Variants in PTPRN2 observed in about 807,000 individuals in gnomAD.
PTPRN2 encodes protein tyrosine phosphatase receptor type N2.
In PTPRN2, 74 loss-of-function variants were observed where a neutral mutation model predicts 118.8. The observed-to-expected ratio is 0.62, with a 90% CI of 0.52 to 0.76. PTPRN2 has a LOEUF of 0.76. Ranked by LOEUF, PTPRN2 falls within the 30% of genes least tolerant of loss-of-function variation. The pLI is 0.00. For synonymous variants in PTPRN2, 641 were observed against 608.0 expected (o/e 1.05, Z -0.80); for missense variants, 1,481 against 1,394.4 (o/e 1.06, Z -0.99).
Position 158,071,387 on chromosome 7 carries a change from GGTGGAGGTGCTC to G in PTPRN2, c.1723+9899_1723+9910del, listed in dbSNP as rs1321087313. On this transcript the variant is annotated intron_variant, in intron 11 of 22. Coordinates refer to ENST00000389418, the MANE Select transcript of PTPRN2 (RefSeq NM_002847.5). ...TGCTCATGGTGGTGGAGGTGCTCGT[GGTGGAGGTGCTC>G]GTGGTGGAGTTGCTCCTGGTGGTGG... Among the ~76,000 whole-genome samples, 115 of 106,512 alleles carry G rather than the reference GGTGGAGGTGCTC, an allele frequency of 1.1e-3. 4 individuals are homozygous for G. Among genetic ancestry groups the G allele is most frequent in the Non-Finnish European group, 1.5e-3 (75 of 48,704 alleles). The allele number at this position is 106,512 out of a possible 152,430, so 69.9% of individuals were successfully genotyped here. A position where few individuals can be genotyped will look rare whatever the true frequency, so the allele number is the denominator to read the frequency against.
intron 3 of PTPRN2, among the ~76,000 whole-genome samples, chr7:158,297,027 A>G (rs1464888477): frequency 6.6e-6 from 1 of 152,204 alleles, no homozygotes; most frequent in African/African-American, 2.4e-5. Context: ...TGGAATGTCC[A>G]TGGATAGCAT....
chr7:157,814,529 C>T (rs151133375), intron 12 of PTPRN2, among the ~76,000 whole-genome samples: 1,119 of 94,180 alleles, frequency 0.012, 10 homozygotes, highest in Middle Eastern at 0.036. Context: ...CGGGGACAGG[C>T]GGGGGCAGGA....
chr7:157,703,680 G>C (rs895455851), intron 12 of PTPRN2, among the ~76,000 whole-genome samples: 2 of 152,064 alleles, frequency 1.3e-5, no homozygotes, highest in Non-Finnish European at 2.9e-5. Flanking sequence ...GCAAGTTCCC[G>C]GCCAGCCTGG....
At chr7:158,221,866 C>T (rs1585889877) in intron 3 of PTPRN2, among the ~76,000 whole-genome samples, 1 of 151,994 alleles carries the variant, frequency 6.6e-6, no homozygotes, top group South Asian at 2.1e-4. Flanking sequence ...CTGTAAGGAA[C>T]TTAAATTATT....
intron 2 of PTPRN2, among the ~76,000 whole-genome samples, chr7:158,353,222 C>A (rs1012132302): frequency 6.6e-6 from 1 of 152,186 alleles, no homozygotes; most frequent in African/African-American, 2.4e-5. Flanking sequence ...CACTCTTGGC[C>A]CTGATGGGGC....
chr7:158,221,520 C>T (rs80199608), intron 3 of PTPRN2, among the ~76,000 whole-genome samples: 5,273 of 152,194 alleles, frequency 0.035, 318 homozygotes, highest in African/African-American at 0.12. Flanking sequence ...ACTGGGTAAA[C>T]TAAAAGAGCA....
At chr7:157,744,820 A>T (rs1800824573) in intron 12 of PTPRN2, among the ~76,000 whole-genome samples, 1 of 152,158 alleles carries the variant, frequency 6.6e-6, no homozygotes, top group African/African-American at 2.4e-5. Context: ...CAGGCTGATG[A>T]AAAAGCAACA....
intron 2 of PTPRN2, among the ~76,000 whole-genome samples, chr7:158,333,755 G>A (rs1231020761): frequency 1.4e-5 from 2 of 145,206 alleles, no homozygotes; most frequent in Non-Finnish European, 3.0e-5. Context: ...CACCATAAGA[G>A]CTGACACCCG....
At chr7:158,171,077 CATAT>C (rs72267331) in intron 5 of PTPRN2, among the ~76,000 whole-genome samples, 2 of 124,176 alleles carry the variant, frequency 1.6e-5, no homozygotes, top group African/African-American at 3.1e-5. Context: ...ATTATATACA[CATAT>C]ATATACACAC....
At chr7:158,542,717 T>A (rs1165805069) in intron 1 of PTPRN2, among the ~76,000 whole-genome samples, 1 of 152,238 alleles carries the variant, frequency 6.6e-6, no homozygotes, top group Non-Finnish European at 1.5e-5. Flanking sequence ...TCTGAGTTTG[T>A]CAAATACTCA....
chr7:158,361,969 T>C (rs71544585), intron 2 of PTPRN2, among the ~76,000 whole-genome samples: 146,602 of 152,158 alleles, frequency 0.96, 70,679 homozygotes, highest in African/African-American at 0.99. Flanking sequence ...TCTCCTCCCT[T>C]CGTTTCTTGG....
At chr7:158,191,811 T>C (rs1825788411) in intron 5 of PTPRN2, among the ~76,000 whole-genome samples, 1 of 152,120 alleles carries the variant, frequency 6.6e-6, no homozygotes, top group South Asian at 2.1e-4. Flanking sequence ...CAGACCCTCA[T>C]GCCCACAGGC....
chr7:157,695,200 AAAG>A (rs1331683068), intron 12 of PTPRN2, among the ~76,000 whole-genome samples: 2 of 152,190 alleles, frequency 1.3e-5, no homozygotes, highest in African/African-American at 4.8e-5. Context: ...CTAAATTATC[AAAG>A]AAAATGTATT....
intron 11 of PTPRN2, among the ~76,000 whole-genome samples, chr7:157,899,818 A>C (rs1797340060): frequency 2.0e-5 from 3 of 152,224 alleles, no homozygotes; most frequent in South Asian, 2.1e-4. Context: ...CTGAAAGAAC[A>C]AGACAGACAG....
intron 12 of PTPRN2, among the ~76,000 whole-genome samples, chr7:157,719,422 G>A (rs1448331344): frequency 1.3e-5 from 2 of 152,246 alleles, no homozygotes; most frequent in African/African-American, 2.4e-5. Context: ...GCCGTCATGC[G>A]CTCCAGAGAA....
At chr7:158,176,867 C>G (rs758875756) in intron 5 of PTPRN2, among the ~76,000 whole-genome samples, 1 of 152,216 alleles carries the variant, frequency 6.6e-6, no homozygotes, top group South Asian at 2.1e-4. Flanking sequence ...AGGCCACGGT[C>G]CTCATCGCTG....
At chr7:158,476,703 A>G (rs1670344) in intron 2 of PTPRN2, among the ~76,000 whole-genome samples, 126,119 of 152,284 alleles carry the variant, frequency 0.83, 52,346 homozygotes, top group Middle Eastern at 0.86. Flanking sequence ...AATGTAAAAC[A>G]TGTTCCTCTA....
intron 12 of PTPRN2, among the ~76,000 whole-genome samples, chr7:157,792,732 G>A (rs1006400434): frequency 6.6e-6 from 1 of 152,212 alleles, no homozygotes; most frequent in African/African-American, 2.4e-5. Flanking sequence ...CCTACAGCCC[G>A]CAGATGGGCC....
chr7:158,129,676 T>C (rs1464595556), intron 9 of PTPRN2, among the ~76,000 whole-genome samples: 1 of 152,186 alleles, frequency 6.6e-6, no homozygotes. Flanking sequence ...GCACAGGGCG[T>C]TTGACCACCC....
Sources: gnomAD v4.1 joint callset for allele counts (sites outside exome capture counted in the v4.1 genomes callset) on GRCh38, gnomAD v4.1.1 for gene constraint, MANE v1.5 for transcripts, NCBI Gene and HGNC (gene_info 2026-07-23, HGNC 2026-07-21) for gene names.